The following RAB3C variants were observed in gnomAD, a reference collection of about 807,000 sequenced individuals.
RAB3C encodes the protein ras-related protein Rab-3C.
RAB3C carries 17 observed loss-of-function variants against 26.4 expected under a neutral mutation model. The observed-to-expected ratio is 0.64, with a 90% CI of 0.44 to 0.97. The LOEUF (loss-of-function observed/expected upper bound fraction) is 0.97, where lower values mean the gene tolerates loss of function less well. Among genes scored for constraint, RAB3C ranks in the 50% least tolerant of loss-of-function variants. The pLI, the probability that RAB3C is intolerant of heterozygous loss-of-function variation, is 0.00. For synonymous variants in RAB3C, 91 were observed against 95.9 expected (o/e 0.95, Z 0.30); for missense variants, 242 against 281.9 (o/e 0.86, Z 1.01).
At position 58,617,866 on chromosome 5, in the gene RAB3C, T is replaced by G. The variant is rs1161618972; in HGVS notation, c.248T>G (p.Ile83Ser). The change falls in exon 2 of 5, where the codon ATT (isoleucine) becomes AGT (serine). Residue 83 changes from isoleucine (I) to serine (S), a missense_variant. Coordinates refer to ENST00000282878, the MANE Select transcript of RAB3C (RefSeq NM_138453.4). ...AATGAAAAGAGAATCAAGCTTCAGA[T>G]TTGGGTAAGTGGCTTTGAACTGGCA... ...FKNEKRIKLQ[I>S]WDTAGQERYR... The G allele has an allele frequency of 6.2e-7, 1 of 1,601,382 alleles. No homozygotes were observed.
At chr5:58,634,824 G>C (rs1267939851) in intron 2 of RAB3C, among the ~76,000 whole-genome samples, 2 of 152,170 alleles carry the variant, frequency 1.3e-5, no homozygotes, top group Non-Finnish European at 2.9e-5. Flanking sequence ...CCAAGTCAGT[G>C]GGGGAGAAAA....
intron 3 of RAB3C, among the ~76,000 whole-genome samples, chr5:58,803,927 G>A (rs1326469700): frequency 6.6e-6 from 1 of 152,024 alleles, no homozygotes; most frequent in Non-Finnish European, 1.5e-5. Context: ...AGGCTTGGTG[G>A]CAGGCACCTA....
At chr5:58,698,224 C>A (rs905238565) in intron 2 of RAB3C, among the ~76,000 whole-genome samples, 3 of 152,128 alleles carry the variant, frequency 2.0e-5, no homozygotes, top group African/African-American at 7.2e-5. Flanking sequence ...GTTGAAAATT[C>A]TTTTCTTTAA....
intron 3 of RAB3C, 55 bp downstream of exon 3, chr5:58,726,175 T>C: frequency 1.1e-6 from 1 of 909,438 alleles, no homozygotes. Context: ...CGGTCAACTC[T>C]GTCTTTCTTC....
chr5:58,726,822 A>G (rs1039030075), intron 3 of RAB3C, among the ~76,000 whole-genome samples: 2 of 151,940 alleles, frequency 1.3e-5, no homozygotes, highest in East Asian at 1.9e-4. Flanking sequence ...GGTTATTCCT[A>G]CGGCTACAGT....
intron 2 of RAB3C, among the ~76,000 whole-genome samples, chr5:58,679,125 AG>A (rs767816227): frequency 2.0e-5 from 3 of 152,226 alleles, no homozygotes; most frequent in Non-Finnish European, 4.4e-5. Flanking sequence ...TGTAAAGCAA[AG>A]AGACAGTGTG....
At position 58,583,167 on chromosome 5, in the gene RAB3C, A is replaced by C; in HGVS notation, c.-42A>C. The C allele has an allele frequency of 6.2e-7, 1 of 1,614,056 alleles. No homozygotes were observed. Among genetic ancestry groups the C allele is most frequent in the Non-Finnish European group, 8.5e-7 (1 of 1,180,034 alleles). On this transcript the variant is annotated 5_prime_UTR_variant, in exon 1 of 5. Transcript: ENST00000282878. ...TGTGCACGCTTGACCGGAAGCCCAG[A>C]CCAGTGCGGTCCTAGCCAGAGAGAA...
chr5:58,783,625 C>A (rs1258325067), intron 3 of RAB3C, among the ~76,000 whole-genome samples: 2 of 152,172 alleles, frequency 1.3e-5, no homozygotes, highest in African/African-American at 4.8e-5. Context: ...ATAGTACTTG[C>A]TCTGGATCAA....
intron 3 of RAB3C, among the ~76,000 whole-genome samples, chr5:58,811,268 A>G (rs993082999): frequency 6.6e-6 from 1 of 152,214 alleles, no homozygotes; most frequent in Admixed American, 6.5e-5. Context: ...TCCTGAGGTC[A>G]GAGTTCTCTA....
chr5:58,711,525 A>G (rs958794816), intron 2 of RAB3C, among the ~76,000 whole-genome samples: 2 of 152,180 alleles, frequency 1.3e-5, no homozygotes, highest in African/African-American at 4.8e-5. Context: ...CAGGTGTTCT[A>G]ACTCCAAAGC....
intron 3 of RAB3C, among the ~76,000 whole-genome samples, chr5:58,736,901 C>T (rs115473296): frequency 9.8e-4 from 150 of 152,316 alleles, no homozygotes; most frequent in Middle Eastern, 6.8e-3. Context: ...GCGTTTACTA[C>T]TGGTCCAGTC....
At chr5:58,797,896 G>A (rs897531905) in intron 3 of RAB3C, among the ~76,000 whole-genome samples, 21 of 152,140 alleles carry the variant, frequency 1.4e-4, no homozygotes, top group African/African-American at 4.8e-4. Context: ...AACTTCTGGT[G>A]CACAGGATAA....
chr5:58,599,314 G>A (rs1377510025), intron 1 of RAB3C, among the ~76,000 whole-genome samples: 1 of 152,182 alleles, frequency 6.6e-6, no homozygotes, highest in South Asian at 2.1e-4. Context: ...GGTCCTGTCT[G>A]CCATCCCAGG....
chr5:58,655,600 T>A lies in RAB3C; in HGVS notation c.252+37730T>A, dbSNP rs990946697. 2.0e-5 allele frequency among the ~76,000 whole-genome samples: 3 copies of A among 152,084 alleles called. No homozygotes were observed. In the East Asian group the frequency reaches 5.8e-4, roughly 29 times the overall value. On this transcript the variant is annotated intron_variant, in intron 2 of 4. Coordinates refer to ENST00000282878, the MANE Select transcript of RAB3C (RefSeq NM_138453.4). ...ACAAGCCATCTTAATTAACAAAATT[T>A]TTTTTAAAAAGAGCAAGGAAACATT...
At chr5:58,842,781 G>C (rs991971400) in intron 4 of RAB3C, among the ~76,000 whole-genome samples, 4 of 152,170 alleles carry the variant, frequency 2.6e-5, no homozygotes, top group Admixed American at 6.5e-5. Flanking sequence ...AAAATCATTT[G>C]TATGAAGCTT....
At chr5:58,586,746 T>A (rs911968578) in intron 1 of RAB3C, among the ~76,000 whole-genome samples, 1 of 152,080 alleles carries the variant, frequency 6.6e-6, no homozygotes, top group Non-Finnish European at 1.5e-5. Context: ...AAAAAAATGT[T>A]TGGCTAAAGA....
chr5:58,822,529 T>A (rs1743366672), intron 3 of RAB3C: 1 of 189,046 alleles, frequency 5.3e-6, no homozygotes, highest in African/African-American at 2.3e-5. Flanking sequence ...TTGTTAAGAA[T>A]GAGGCCTATT....
chr5:58,845,608 A>G (rs190786926), intron 4 of RAB3C, among the ~76,000 whole-genome samples: 699 of 54,534 alleles, frequency 0.013, 20 homozygotes, highest in African/African-American at 0.059. Flanking sequence ...ATATATATAT[A>G]TATATGTGTG....
At chr5:58,815,512 G>A (rs1202953244) in intron 3 of RAB3C, among the ~76,000 whole-genome samples, 1 of 152,162 alleles carries the variant, frequency 6.6e-6, no homozygotes, top group Non-Finnish European at 1.5e-5. Flanking sequence ...CTGTGATGGG[G>A]TGAACACTTG....
Sources: gnomAD v4.1 joint callset for allele counts (sites outside exome capture counted in the v4.1 genomes callset) on GRCh38, gnomAD v4.1.1 for gene constraint, MANE v1.5 for transcripts, NCBI Gene and HGNC (gene_info 2026-07-23, HGNC 2026-07-21) for gene names.